AMPD3: variants seen among roughly 807,000 people sequenced by gnomAD.
The protein encoded by AMPD3 is adenosine monophosphate deaminase 3.
In AMPD3, 57 loss-of-function variants were observed where a neutral mutation model predicts 82.3. That is an observed-to-expected ratio of 0.69 (90% confidence interval 0.56 to 0.86). The LOEUF (loss-of-function observed/expected upper bound fraction) is 0.86, where lower values mean the gene tolerates loss of function less well. AMPD3 is among the 40% of genes least tolerant of loss of function. The pLI is 0.00. For missense variants in AMPD3, 870 were observed against 1,003.8 expected, an observed-to-expected ratio of 0.87 and a Z score of 1.80; for synonymous variants, 381 against 394.7, an observed-to-expected ratio of 0.97 and a Z score of 0.41.
At chr11:10,505,200 G>A (rs1849683532) in intron 14 of AMPD3, 5 of 985,434 alleles carry the variant, frequency 5.1e-6, no homozygotes, top group Non-Finnish European at 6.0e-6. Flanking sequence ...ATGTTCTGAT[G>A]TACGTTAGGT....
At chr11:10,500,025 C>T (rs16907919) in intron 10 of AMPD3, 61 bp from the exon 11 acceptor site, 80,771 of 1,607,546 alleles carry the variant, frequency 0.05, 3,493 homozygotes, top group African/African-American at 0.23. Flanking sequence ...CTCTGGGAGG[C>T]TGAACCGAGG....
intron 12 of AMPD3, 34 bp from the exon 13 acceptor site, chr11:10,502,687 C>A (rs773136438): frequency 1.4e-5 from 22 of 1,612,054 alleles, no homozygotes; most frequent in Non-Finnish European, 1.6e-5. Flanking sequence ...CCCTCTCTGG[C>A]ACTTGTCACA....
At chr11:10,501,438 C>G (rs772706999) in intron 11 of AMPD3, 32 bp from the exon 12 acceptor site, 3 of 1,610,482 alleles carry the variant, frequency 1.9e-6, no homozygotes, top group South Asian at 2.2e-5. Flanking sequence ...CTGGGGGGGG[C>G]CTTCCTGATT....
At position 10,496,899 on chromosome 11, in the gene AMPD3, C is replaced by A. The variant is rs746035950; in HGVS notation, c.1518C>A (p.Asn506Lys). Reference protein sequence around the residue: ...IFLPLFKATINPQDHRELHLF... With the variant: ...IFLPLFKATIKPQDHRELHLF... Reference sequence around the variant, plus strand: ...TGCCCCTTTTCAAGGCCACTATCAACCCCCAAGATCATCGAGAGCTTCACC... The same window carrying A: ...TGCCCCTTTTCAAGGCCACTATCAAACCCCAAGATCATCGAGAGCTTCACC... Residue 506 changes from asparagine (N) to lysine (K), a missense_variant, in exon 10 of 15, where the codon AAC becomes AAA. Asn to Lys is a moderately conservative substitution (Grantham distance 94). Coordinates refer to ENST00000396553, the MANE Select transcript of AMPD3 (RefSeq NM_001025389.2). 76 of 1,613,988 alleles carry A rather than the reference C, an allele frequency of 4.7e-5. No individual in the cohort carries two copies. Among genetic ancestry groups the A allele is most frequent in the Non-Finnish European group, 6.1e-5 (72 of 1,179,994 alleles).
intron 7 of AMPD3, chr11:10,494,359 G>A (rs1042965364): frequency 6.2e-6 from 1 of 162,454 alleles, no homozygotes; most frequent in Non-Finnish European, 1.3e-5. Context: ...TGTTTAGTGG[G>A]TATAGAGTTT....
Position 10,500,387 on chromosome 11 carries a change from C to T in AMPD3, c.1721+138C>T, listed in dbSNP as rs571631322. 2.2e-4 allele frequency: 269 copies of T among 1,226,702 alleles called. 1 individual carries two copies. The highest frequency in any genetic ancestry group is 6.2e-5 in the Non-Finnish European group (53 of 860,644). The allele number at this position is 1,226,702 out of a possible 1,614,324, so 76.0% of individuals were successfully genotyped here. A position where few individuals can be genotyped will look rare whatever the true frequency, so the allele number is the denominator to read the frequency against. ...CAACATGCATGTCCATGTGCCCACA[C>T]ACCTCAAAACACACAGCACTTTCCA... On this transcript the variant is annotated intron_variant, in intron 11 of 14. Coordinates refer to ENST00000396553, the MANE Select transcript of AMPD3 (RefSeq NM_001025389.2).
At chr11:10,500,930 T>C in intron 11 of AMPD3, 1 of 985,308 alleles carries the variant, frequency 1.0e-6, no homozygotes, top group South Asian at 4.7e-5. Flanking sequence ...CAGCCTAAAC[T>C]GGTGCTAGTT....
At position 10,471,685 on chromosome 11, in the gene AMPD3, CA is replaced by C. The variant is rs2133857595; in HGVS notation, c.222-6840del. On this transcript the variant is annotated intron_variant, in intron 2 of 14. Coordinates refer to ENST00000396553, the MANE Select transcript of AMPD3 (RefSeq NM_001025389.2). ...AGAAGACATTTATGCAGCCAACAAACATATGAAAAAATGCTCATCATCACTG... is the reference window on the plus strand; with the variant it reads ...AGAAGACATTTATGCAGCCAACAAACTATGAAAAAATGCTCATCATCACTG... Among the ~76,000 whole-genome samples the C allele has an allele frequency of 2.0e-5, 3 of 152,296 alleles. No homozygotes were observed. In the East Asian group the frequency reaches 5.8e-4, roughly 29 times the overall value.
In AMPD3 at chr11:10,496,808, C is replaced by G; in HGVS notation, c.1431-4C>G. The stretch of plus-strand genomic sequence containing the variant: ...CTGACAAGCGAGTCTTTGCTGTCCC[C>G]CAGTGACATATTTAGGTCAAAGAAG... On this transcript the variant is annotated splice_polypyrimidine_tract_variant and splice_region_variant and intron_variant, in intron 9 of 14. Transcript: ENST00000396553. The G allele has an allele frequency of 6.2e-7, 1 of 1,614,102 alleles. No individual in the cohort carries two copies. Among genetic ancestry groups the G allele is most frequent in the Non-Finnish European group, 8.5e-7 (1 of 1,180,026 alleles).
chr11:10,500,448 C>A, intron 11 of AMPD3, 199 bp downstream of exon 11: 1 of 547,120 alleles, frequency 1.8e-6, no homozygotes, highest in Non-Finnish European at 2.3e-6. Flanking sequence ...CATGATCACA[C>A]ACATGCAAAC....
At chr11:10,469,188 C>G (rs1172196330) in intron 2 of AMPD3, among the ~76,000 whole-genome samples, 3 of 151,198 alleles carry the variant, frequency 2.0e-5, no homozygotes, top group Non-Finnish European at 4.4e-5. Context: ...TCTTCAAAAA[C>G]TCAATGAATC....
intron 14 of AMPD3, 75 bp downstream of exon 14, chr11:10,504,734 C>A (rs1269842347): frequency 7.4e-7 from 1 of 1,352,888 alleles, no homozygotes; most frequent in African/African-American, 1.4e-5. Context: ...CTTCCAGGCA[C>A]TGGGGATCTG....
At chr11:10,499,189 C>G (rs1218892696) in intron 10 of AMPD3, 1 of 152,838 alleles carries the variant, frequency 6.5e-6, no homozygotes, top group East Asian at 1.9e-4. Context: ...CCAAAGAGTG[C>G]AGACCCAGAG....
At chr11:10,500,649 C>A (rs1350072572) in intron 11 of AMPD3, 4 of 985,340 alleles carry the variant, frequency 4.1e-6, no homozygotes, top group Admixed American at 6.1e-5. Flanking sequence ...ACTGCCACAC[C>A]AACAATGTCC....
chr11:10,492,665 C>G (rs960351548), intron 6 of AMPD3, among the ~76,000 whole-genome samples: 2 of 152,180 alleles, frequency 1.3e-5, no homozygotes, highest in African/African-American at 2.4e-5. Flanking sequence ...AAACATGGCC[C>G]TTGTCCTTGA....
At chr11:10,480,109 A>G (rs1848858344) in intron 3 of AMPD3, among the ~76,000 whole-genome samples, 3 of 152,254 alleles carry the variant, frequency 2.0e-5, no homozygotes, top group Admixed American at 2.0e-4. Flanking sequence ...GAGCACCTGA[A>G]CTGGGCAACT....
At chr11:10,468,785 A>G (rs1848497211) in intron 2 of AMPD3, among the ~76,000 whole-genome samples, 1 of 152,196 alleles carries the variant, frequency 6.6e-6, no homozygotes, top group South Asian at 2.1e-4. Context: ...AAATCATAAC[A>G]AACAGTCTCT....
chr11:10,488,670 A>G (rs1849152652), intron 6 of AMPD3, among the ~76,000 whole-genome samples: 1 of 152,040 alleles, frequency 6.6e-6, no homozygotes, highest in African/African-American at 2.4e-5. Context: ...GCGAGCTGGG[A>G]GAGAAGCTCC....
chr11:10,485,887 C>G (rs949537726), intron 5 of AMPD3, among the ~76,000 whole-genome samples: 4 of 151,928 alleles, frequency 2.6e-5, no homozygotes, highest in African/African-American at 9.7e-5. Context: ...TCAGTAATAC[C>G]TGGACTCTGT....
Sources: gnomAD v4.1 joint callset for allele counts (sites outside exome capture counted in the v4.1 genomes callset) on GRCh38, gnomAD v4.1.1 for gene constraint, MANE v1.5 for transcripts, NCBI Gene and HGNC (gene_info 2026-07-23, HGNC 2026-07-21) for gene names.